The following SLIT3 variants were observed in gnomAD, a reference collection of about 807,000 sequenced individuals.
SLIT3 encodes the protein slit homolog 3 protein.
In SLIT3, 68 loss-of-function variants were observed where a neutral mutation model predicts 184.0. The ratio of observed to expected loss-of-function variants is 0.37; its 90% confidence interval spans 0.30 to 0.45. SLIT3 has a LOEUF of 0.45. SLIT3 is among the 20% of genes least tolerant of loss of function. The pLI is 1.00. For missense variants in SLIT3, 1,707 were observed against 2,026.0 expected, an observed-to-expected ratio of 0.84 and a Z score of 3.02; for synonymous variants, 831 against 828.6, an observed-to-expected ratio of 1.00 and a Z score of -0.05.
At chr5:169,043,693 T>C (rs1227590726) in intron 4 of SLIT3, among the ~76,000 whole-genome samples, 1 of 152,212 alleles carries the variant, frequency 6.6e-6, no homozygotes, top group African/African-American at 2.4e-5. Flanking sequence ...CATTAACCCC[T>C]TGGCTTAGCA....
rs771710067 is a variant in SLIT3 at position 168,772,860 on chromosome 5, G to A, written c.1380C>T (p.Ser460=). The A allele has an allele frequency of 9.0e-5, 145 of 1,613,916 alleles. 1 individual carries two copies. Among genetic ancestry groups the A allele is most frequent in the African/African-American group, 1.1e-4 (8 of 74,940 alleles). Residue 460 remains serine, a synonymous_variant, in exon 14 of 36, where the codon AGC becomes AGT. Transcript: ENST00000519560. Reference sequence around the variant, plus strand: ...GGCGCGGGCTGCTGCAGCGGGCCCCGCTTGTCTCGATGGGGTTGTCCTGGA... The same window carrying A: ...GGCGCGGGCTGCTGCAGCGGGCCCCACTTGTCTCGATGGGGTTGTCCTGGA... The part of the protein sequence containing the change: ...DYLQDNPIET[S]GARCSSPRRL...
At chr5:169,249,300 G>A (rs7718440) in intron 2 of SLIT3, among the ~76,000 whole-genome samples, 35,252 of 152,024 alleles carry the variant, frequency 0.23, 4,990 homozygotes, top group Middle Eastern at 0.34. Flanking sequence ...TCTACTGGGG[G>A]ATGGGGGGTA....
chr5:168,927,358 G>A (rs1195429584), intron 4 of SLIT3, among the ~76,000 whole-genome samples: 1 of 152,148 alleles, frequency 6.6e-6, no homozygotes, highest in African/African-American at 2.4e-5. Flanking sequence ...CCAGGGTTTG[G>A]GGGTAGGAGG....
chr5:169,277,149 C>T (rs1454298468), intron 1 of SLIT3, among the ~76,000 whole-genome samples: 1 of 151,188 alleles, frequency 6.6e-6, no homozygotes, highest in Non-Finnish European at 1.5e-5. Context: ...ATGCTGGACA[C>T]TTCATGTAAG....
chr5:168,685,486 TG>T (rs1411554608), intron 31 of SLIT3, among the ~76,000 whole-genome samples, 200 bp downstream of exon 31: 5 of 152,190 alleles, frequency 3.3e-5, no homozygotes, highest in Non-Finnish European at 7.3e-5. Flanking sequence ...AGGCTGGAAG[TG>T]GGGGCTGCAG....
intron 16 of SLIT3, among the ~76,000 whole-genome samples, chr5:168,755,569 G>C (rs1442534016): frequency 6.6e-6 from 1 of 151,700 alleles, no homozygotes; most frequent in Non-Finnish European, 1.5e-5. Flanking sequence ...CGAGTAGCTG[G>C]GATTACAGGT....
At chr5:168,757,397 A>G (rs1754985158) in intron 16 of SLIT3, among the ~76,000 whole-genome samples, 1 of 152,114 alleles carries the variant, frequency 6.6e-6, no homozygotes, top group Non-Finnish European at 1.5e-5. Context: ...AGGCTCCTGA[A>G]AGTGTCTGGG....
chr5:169,203,492 CCCTATAGTGA>C (rs1315088688), intron 3 of SLIT3, among the ~76,000 whole-genome samples: 1 of 152,154 alleles, frequency 6.6e-6, no homozygotes, highest in Non-Finnish European at 1.5e-5. Flanking sequence ...AAAGCTGCAT[CCCTATAGTGA>C]CCTCTTCCCC....
intron 7 of SLIT3, among the ~76,000 whole-genome samples, chr5:168,817,950 C>CG (rs1757391366): frequency 6.7e-6 from 1 of 148,424 alleles, no homozygotes. Context: ...TTCGTTCCCC[C>CG]GCTAAGTGTC....
chr5:169,198,976 A>ACACACATG lies in SLIT3; in HGVS notation c.342-5427_342-5426insCATGTGTG, dbSNP rs1554106510. On this transcript the variant is annotated intron_variant, in intron 3 of 35. Transcript: ENST00000519560. ...TATACACACACACACACACACACAC[A>ACACACATG]TATGTGTGTATATTTATATATATAT... is the stretch of plus-strand genomic sequence containing the variant. 1.2e-3 allele frequency among the ~76,000 whole-genome samples: 183 copies of ACACACATG among 149,322 alleles called. 1 individual carries two copies. In the East Asian group the frequency reaches 0.02, roughly 17 times the overall value.
chr5:168,733,800 T>TAAA (rs70976499), intron 20 of SLIT3, among the ~76,000 whole-genome samples: 1 of 145,238 alleles, frequency 6.9e-6, no homozygotes, highest in African/African-American at 2.5e-5. Flanking sequence ...AAAAAAAAAT[T>TAAA]AAAAAAAAAA....
At chr5:169,046,634 A>T (rs996419181) in intron 4 of SLIT3, among the ~76,000 whole-genome samples, 1 of 152,164 alleles carries the variant, frequency 6.6e-6, no homozygotes, top group African/African-American at 2.4e-5. Context: ...CCAAAAACAC[A>T]TTCCTTTTGG....
At chr5:168,720,343 G>A (rs554066417) in intron 23 of SLIT3, 2 of 150,226 alleles carry the variant, frequency 1.3e-5, no homozygotes, top group East Asian at 1.9e-4. Context: ...AGAAAACCCT[G>A]GTCAGGCTGG....
rs1025369885 is a variant in SLIT3, at chr5:168,876,679, C to T, written c.485+6586G>A. On this transcript the variant is annotated intron_variant, in intron 5 of 35. Transcript: ENST00000519560. ...CCAGAATGAGACCTGTCTCCCTGGG[C>T]TTCCACATATAGTTGTCCTTAGCTC... Among the ~76,000 whole-genome samples the T allele has an allele frequency of 3.3e-5, 5 of 152,218 alleles. No homozygotes were observed. In the East Asian group the frequency reaches 9.6e-4, roughly 29 times the overall value.
intron 4 of SLIT3, among the ~76,000 whole-genome samples, chr5:169,080,606 G>A (rs1211115516): frequency 6.6e-6 from 1 of 152,104 alleles, no homozygotes; most frequent in African/African-American, 2.4e-5. Context: ...TAGTAAATAT[G>A]GGTCTCCTCC....
chr5:169,077,028 C>A (rs1490061491), intron 4 of SLIT3, among the ~76,000 whole-genome samples: 1 of 152,096 alleles, frequency 6.6e-6, no homozygotes, highest in Non-Finnish European at 1.5e-5. Context: ...TTTGAACTAC[C>A]TGGGATCACT....
intron 16 of SLIT3, among the ~76,000 whole-genome samples, chr5:168,756,129 C>A (rs1186997812): frequency 6.6e-6 from 1 of 152,142 alleles, no homozygotes; most frequent in Non-Finnish European, 1.5e-5. Flanking sequence ...GCAGAATTGG[C>A]GGGCTCGCAG....
intron 4 of SLIT3, among the ~76,000 whole-genome samples, chr5:169,052,253 C>T (rs557866397): frequency 1.7e-3 from 258 of 152,162 alleles, no homozygotes; most frequent in Non-Finnish European, 2.8e-3. Flanking sequence ...TCTTTCTTTT[C>T]CTGAGTCAAT....
intron 4 of SLIT3, among the ~76,000 whole-genome samples, chr5:168,933,442 T>C (rs910498659): frequency 1.3e-5 from 2 of 152,170 alleles, no homozygotes; most frequent in Non-Finnish European, 2.9e-5. Context: ...CTCAGGCGGC[T>C]GAGACAGGGG....
Sources: gnomAD v4.1 joint callset for allele counts (sites outside exome capture counted in the v4.1 genomes callset) on GRCh38, gnomAD v4.1.1 for gene constraint, MANE v1.5 for transcripts, NCBI Gene and HGNC (gene_info 2026-07-23, HGNC 2026-07-21) for gene names.